Variants in HPGDS observed in about 807,000 individuals in gnomAD.
HPGDS encodes the protein GST class-sigma.
A neutral mutation model predicts 23.1 loss-of-function variants in HPGDS; 26 were observed. The observed-to-expected ratio is 1.13, with a 90% CI of 0.83 to 1.56. The LOEUF (loss-of-function observed/expected upper bound fraction) is 1.56. HPGDS is among the 40% of genes most tolerant of loss of function. The probability of loss-of-function intolerance (pLI) is 0.00; values close to 1 mark genes in which losing one functional copy is unlikely to be tolerated. For synonymous variants in HPGDS, 95 were observed against 77.9 expected, an observed-to-expected ratio of 1.22 and a Z score of -1.16; for missense variants, 268 against 236.4, an observed-to-expected ratio of 1.13 and a Z score of -0.88.
intron 3 of HPGDS, among the ~76,000 whole-genome samples, chr4:94,313,473 T>C (rs1197508769): frequency 7.9e-5 from 12 of 152,364 alleles, no homozygotes; most frequent in Non-Finnish European, 1.3e-4. Flanking sequence ...GCCCCCACTC[T>C]CTTCTGGCTT....
intron 1 of HPGDS, among the ~76,000 whole-genome samples, chr4:94,340,311 C>CTTTCTTT: frequency 4.2e-5 from 1 of 23,678 alleles, no homozygotes; most frequent in Non-Finnish European, 8.7e-5. Context: ...CTTTCTTTCT[C>CTTTCTTT]TTTTTTTTTT....
At chr4:94,332,525 C>T (rs1319169782) in intron 2 of HPGDS, among the ~76,000 whole-genome samples, 1 of 152,164 alleles carries the variant, frequency 6.6e-6, no homozygotes, top group Non-Finnish European at 1.5e-5. Context: ...TCGCAGGCAC[C>T]CCAACCTGGG....
At chr4:94,327,780 C>A (rs1368975011) in intron 2 of HPGDS, among the ~76,000 whole-genome samples, 1 of 152,156 alleles carries the variant, frequency 6.6e-6, no homozygotes, top group Non-Finnish European at 1.5e-5. Flanking sequence ...GGCTAGGCAC[C>A]CAGCCACAAC....
chr4:94,326,207 C>T (rs116111998), intron 2 of HPGDS, among the ~76,000 whole-genome samples: 3,760 of 152,160 alleles, frequency 0.025, 104 homozygotes, highest in African/African-American at 0.074. Flanking sequence ...AATGTTGAAT[C>T]TATACCTGAG....
chr4:94,321,626 T>C (rs1303224852), intron 2 of HPGDS, among the ~76,000 whole-genome samples: 1 of 152,202 alleles, frequency 6.6e-6, no homozygotes, highest in Non-Finnish European at 1.5e-5. Context: ...ATCCTGAGAC[T>C]TTGTTGAAGT....
chr4:94,323,518 G>A (rs1228107147), intron 2 of HPGDS, among the ~76,000 whole-genome samples: 1 of 152,084 alleles, frequency 6.6e-6, no homozygotes, highest in East Asian at 1.9e-4. Flanking sequence ...ATTATGTAAT[G>A]GCCTTCTTTA....
chr4:94,334,985 AG>A, intron 1 of HPGDS, among the ~76,000 whole-genome samples: 1 of 152,216 alleles, frequency 6.6e-6, no homozygotes, highest in East Asian at 1.9e-4. Flanking sequence ...CCCTCCTTTT[AG>A]TCACTGGTAA....
chr4:94,300,765 G>T (rs1464250630), intron 5 of HPGDS, among the ~76,000 whole-genome samples: 1 of 152,110 alleles, frequency 6.6e-6, no homozygotes, highest in Admixed American at 6.5e-5. Flanking sequence ...CTATGACATG[G>T]TCAGAGAGGA....
At chr4:94,325,947 C>T (rs1478727823) in intron 2 of HPGDS, among the ~76,000 whole-genome samples, 1 of 151,412 alleles carries the variant, frequency 6.6e-6, no homozygotes, top group Non-Finnish European at 1.5e-5. Flanking sequence ...TGAAGGATAG[C>T]TTTGCTGGTT....
Position 94,299,120 on chromosome 4 carries a change from G to T in HPGDS, c.*360C>A, listed in dbSNP as rs1755981090. The T allele has an allele frequency of 5.6e-6, 1 of 178,126 alleles. No individual in the cohort carries two copies. Among genetic ancestry groups the T allele is most frequent in the Non-Finnish European group, 1.2e-5 (1 of 83,922 alleles). The allele number at this position is 178,126 out of a possible 1,614,324, so 11.0% of individuals were successfully genotyped here. A position where few individuals can be genotyped will look rare whatever the true frequency, so the allele number is the denominator to read the frequency against. ...GCTACTAGCAAAGTTTGTGTTTTAT[G>T]CAATTACAGGTAATTGTGGTAGCTG... On this transcript the variant is annotated 3_prime_UTR_variant, in exon 6 of 6. Coordinates refer to ENST00000295256, the MANE Select transcript of HPGDS (RefSeq NM_014485.3).
At chr4:94,325,978 GTT>G (rs111331217) in intron 2 of HPGDS, among the ~76,000 whole-genome samples, 5 of 141,946 alleles carry the variant, frequency 3.5e-5, no homozygotes, top group South Asian at 2.3e-4. Flanking sequence ...TGGCTGACAG[GTT>G]TTTTTTTTTT....
chr4:94,311,302 A>T (rs1362833704), intron 3 of HPGDS, among the ~76,000 whole-genome samples: 3 of 151,298 alleles, frequency 2.0e-5, no homozygotes, highest in Non-Finnish European at 1.5e-5. Flanking sequence ...CTATTTTGAG[A>T]TACGTCCCAT....
At chr4:94,316,709 A>T (rs932513327) in intron 3 of HPGDS, among the ~76,000 whole-genome samples, 1 of 152,212 alleles carries the variant, frequency 6.6e-6, no homozygotes, top group Non-Finnish European at 1.5e-5. Context: ...TAGCCCAGAG[A>T]TTCTCAAAGT....
At chr4:94,322,883 T>G (rs932059903) in intron 2 of HPGDS, among the ~76,000 whole-genome samples, 1 of 152,234 alleles carries the variant, frequency 6.6e-6, no homozygotes, top group Non-Finnish European at 1.5e-5. Context: ...CTTTTCTGCT[T>G]TCTCTTGTGG....
chr4:94,310,343 C>G (rs941716755), intron 3 of HPGDS, among the ~76,000 whole-genome samples: 2 of 151,982 alleles, frequency 1.3e-5, no homozygotes, highest in African/African-American at 4.8e-5. Context: ...TCAGCTTTCT[C>G]CATATGGCTA....
Position 94,317,855 on chromosome 4 carries a change from G to A in HPGDS, c.226+18C>T, listed in dbSNP as rs372304709. 192 of 1,449,830 alleles carry A rather than the reference G, an allele frequency of 1.3e-4. 1 individual carries two copies. Among genetic ancestry groups the A allele is most frequent in the Non-Finnish European group, 1.7e-4 (172 of 1,035,052 alleles). 89.8% of individuals were successfully genotyped at this position (1,449,830 alleles called of 1,614,324 possible). ...TTGTTTCAGTTATCAAAAATCTTAA[G>A]CACAATAAACATGTTACCTGTGTTT... On this transcript the variant is annotated intron_variant, in intron 3 of 5. Coordinates refer to ENST00000295256, the MANE Select transcript of HPGDS (RefSeq NM_014485.3).
intron 4 of HPGDS, 64 bp downstream of exon 4, chr4:94,308,570 C>A: frequency 2.5e-6 from 2 of 793,918 alleles, no homozygotes; most frequent in East Asian, 2.5e-5. Flanking sequence ...TTCTAAGGCA[C>A]CTAACACAAT....
chr4:94,320,030 A>T (rs1198810128), intron 2 of HPGDS, among the ~76,000 whole-genome samples: 1 of 151,934 alleles, frequency 6.6e-6, no homozygotes, highest in Non-Finnish European at 1.5e-5. Flanking sequence ...TCTGTCCTTG[A>T]GATAGTTTGC....
intron 2 of HPGDS, among the ~76,000 whole-genome samples, chr4:94,324,942 T>C (rs867585225): frequency 6.6e-5 from 10 of 152,216 alleles, no homozygotes; most frequent in African/African-American, 1.7e-4. Context: ...GATTGGGTTT[T>C]GGTGTGGATG....
Sources: gnomAD v4.1 joint callset for allele counts (sites outside exome capture counted in the v4.1 genomes callset) on GRCh38, gnomAD v4.1.1 for gene constraint, MANE v1.5 for transcripts, NCBI Gene and HGNC (gene_info 2026-07-23, HGNC 2026-07-21) for gene names.